TMEM260: variants seen among roughly 807,000 people sequenced by gnomAD.
The protein encoded by TMEM260 is protein O-mannosyl-transferase TMEM260.
Under a neutral mutation model 88.9 loss-of-function variants are expected in TMEM260, and 82 were observed. The observed-to-expected ratio is 0.92, with a 90% CI of 0.77 to 1.11. The LOEUF (loss-of-function observed/expected upper bound fraction) is 1.11, where lower values mean the gene tolerates loss of function less well. Ranked by LOEUF, TMEM260 falls within the 50% of genes least tolerant of loss-of-function variation. TMEM260 has a pLI of 0.00. For synonymous variants in TMEM260, 314 were observed against 309.3 expected (o/e 1.02, Z -0.16); for missense variants, 902 against 853.4 (o/e 1.06, Z -0.71).
In TMEM260 at chr14:56,591,827, T is replaced by C. The variant is rs556990802; in HGVS notation, c.344+5915T>C. On this transcript the variant is annotated intron_variant, in intron 3 of 15. Coordinates refer to ENST00000261556, the MANE Select transcript of TMEM260 (RefSeq NM_017799.4). ...CTAGTTGAATGTTTTCTTCCACATA[T>C]TCAGGAATAAGTTGATGGAGTATAA... Among the ~76,000 whole-genome samples the C allele has an allele frequency of 2.6e-5, 4 of 152,342 alleles. No individual in the cohort carries two copies. The South Asian group carries it at 8.3e-4, about 32-fold the overall frequency.
intron 3 of TMEM260, among the ~76,000 whole-genome samples, chr14:56,592,149 C>G (rs1453987517): frequency 6.6e-6 from 1 of 152,140 alleles, no homozygotes; most frequent in Non-Finnish European, 1.5e-5. Flanking sequence ...GATCAAACCT[C>G]ATGAAGTAGA....
Position 56,634,949 on chromosome 14 carries a change from C to T in TMEM260, c.1775C>T (p.Ala592Val), listed in dbSNP as rs147545158. ...GTGGCCAATGAAGAAATGTGGCAAG[C>T]GAGGTGACTATTCTACATTTTTGTG... ...ESVANEEMWQ[A>V]RMKTPFFIFN... Residue 592 changes from alanine to valine, a missense_variant, in exon 14 of 16, where the codon GCG becomes GTG. Ala to Val is a moderately conservative substitution (Grantham distance 64). Transcript: ENST00000261556. 1.7e-5 allele frequency: 28 copies of T among 1,613,542 alleles called. No homozygotes were observed. Among genetic ancestry groups the T allele is most frequent in the Admixed American group, 1.5e-4 (9 of 59,964 alleles).
intron 15 of TMEM260, among the ~76,000 whole-genome samples, chr14:56,641,271 T>G (rs1353388338): frequency 3.3e-5 from 5 of 152,132 alleles, no homozygotes. Context: ...GAGAGAAAGA[T>G]GGGGTTACCC....
intron 11 of TMEM260, among the ~76,000 whole-genome samples, chr14:56,622,709 A>G (rs1888007115): frequency 6.6e-6 from 1 of 152,228 alleles, no homozygotes; most frequent in African/African-American, 2.4e-5. Flanking sequence ...GTCATTAGGA[A>G]AAGAGAAATT....
At chr14:56,580,571 G>A (rs926448850) in intron 1 of TMEM260, among the ~76,000 whole-genome samples, 6 of 152,194 alleles carry the variant, frequency 3.9e-5, no homozygotes, top group African/African-American at 7.2e-5. Context: ...GGGGTAAGTA[G>A]TGGGTCCTTC....
intron 3 of TMEM260, among the ~76,000 whole-genome samples, chr14:56,595,803 C>G (rs1003546089): frequency 6.6e-6 from 1 of 151,942 alleles, no homozygotes; most frequent in African/African-American, 2.4e-5. Context: ...TTATTATTCT[C>G]TTTGAAATAT....
At chr14:56,612,542 C>T in intron 7 of TMEM260, 1 of 482,606 alleles carries the variant, frequency 2.1e-6, no homozygotes. Context: ...TTGTATATAA[C>T]CTATTTACAT....
chr14:56,629,153 C>T (rs1162991667), intron 12 of TMEM260, among the ~76,000 whole-genome samples: 1 of 151,988 alleles, frequency 6.6e-6, no homozygotes, highest in Non-Finnish European at 1.5e-5. Context: ...GCCTTGGCCT[C>T]CCAAAGTGCT....
chr14:56,584,969 G>A (rs1400261685), intron 1 of TMEM260, 32 bp from the exon 2 acceptor site: 4 of 1,599,752 alleles, frequency 2.5e-6, no homozygotes, highest in Middle Eastern at 3.3e-4. Flanking sequence ...TTCTCTAATA[G>A]TAATTATTGG....
chr14:56,659,540 C>T, the TMEM260 span, among the ~76,000 whole-genome samples: 1 of 152,150 alleles, frequency 6.6e-6, no homozygotes, highest in Non-Finnish European at 1.5e-5. Context: ...CTGGGCAGCC[C>T]CAGGGAGCCT....
At position 56,618,613 on chromosome 14, in the gene TMEM260, A is replaced by G; in HGVS notation, c.1076A>G (p.Gln359Arg). 6.2e-7 allele frequency: 1 copy of G among 1,614,096 alleles called. No individual in the cohort carries two copies. Among genetic ancestry groups the G allele is most frequent in the Non-Finnish European group, 8.5e-7 (1 of 1,180,012 alleles). Residue 359 changes from glutamine to arginine, a missense_variant, in exon 10 of 16, where the codon CAG becomes CGG. Transcript: ENST00000261556. The part of the protein sequence containing the change: ...FMGVVERFWM[Q>R]SNAVVAVLAG... ...TCACAGGTGGAACGATTCTGGATGC[A>G]GAGCAATGCAGTAGTGGCCGTCCTC...
intron 12 of TMEM260, among the ~76,000 whole-genome samples, chr14:56,631,424 A>T (rs1164636347): frequency 6.6e-6 from 1 of 152,092 alleles, no homozygotes; most frequent in Non-Finnish European, 1.5e-5. Context: ...GAAGTTCAAG[A>T]CCAGCCTGGC....
intron 5 of TMEM260, among the ~76,000 whole-genome samples, chr14:56,606,948 A>G (rs1393495725): frequency 2.6e-5 from 4 of 152,346 alleles, no homozygotes; most frequent in Middle Eastern, 3.4e-3. Context: ...ATAGCAGTTG[A>G]CAGGAAAGAA....
downstream of TMEM260, among the ~76,000 whole-genome samples, chr14:56,653,115 G>A (rs781126172): frequency 1.3e-5 from 2 of 151,640 alleles, no homozygotes; most frequent in East Asian, 3.9e-4. Flanking sequence ...CCAACGTGGC[G>A]AAACCCCGTC....
chr14:56,596,794 A>AAAAT (rs59623466), intron 3 of TMEM260, among the ~76,000 whole-genome samples: 90 of 136,296 alleles, frequency 6.6e-4, no homozygotes, highest in East Asian at 3.7e-3. Context: ...TAAAAAAAAA[A>AAAAT]ATATATATAT....
rs553621818 is a variant in TMEM260, at chr14:56,608,996, G to C, written c.637-110G>C. On this transcript the variant is annotated intron_variant, in intron 5 of 15. Coordinates refer to ENST00000261556, the MANE Select transcript of TMEM260 (RefSeq NM_017799.4). ...TGTGGTGACTTAATATAAATTGGGA[G>C]ATCAGCTCTGAGTAAACATATTTGA... The C allele has an allele frequency of 4.8e-5, 53 of 1,115,262 alleles. No individual in the cohort carries two copies. The African/African-American group carries it at 7.8e-4, about 16-fold the overall frequency. The allele number at this position is 1,115,262 out of a possible 1,614,324, so 69.1% of individuals were successfully genotyped here.
At chr14:56,583,794 C>T (rs1279302907) in intron 1 of TMEM260, among the ~76,000 whole-genome samples, 1 of 151,888 alleles carries the variant, frequency 6.6e-6, no homozygotes, top group African/African-American at 2.4e-5. Context: ...AGAAGAGGTG[C>T]AAAAGAGGAC....
At chr14:56,602,013 A>T (rs986178143) in intron 3 of TMEM260, among the ~76,000 whole-genome samples, 4 of 152,306 alleles carry the variant, frequency 2.6e-5, no homozygotes, top group East Asian at 1.9e-4. Context: ...TTCCTGAATA[A>T]TATTGATATA....
At position 56,609,259 on chromosome 14, in the gene TMEM260, A is replaced by C. The variant is rs1887103261; in HGVS notation, c.790A>C (p.Arg264=). The part of the protein sequence containing the change: ...TLQGFLTHFL[R]EEYGTFSLAK... ...GCAAGGATTTTTGACACATTTTCTCAGGGAAGAATATGGAACCTTCAGCCT... is the reference window on the plus strand; with the variant it reads ...GCAAGGATTTTTGACACATTTTCTCCGGGAAGAATATGGAACCTTCAGCCT... Residue 264 remains arginine, a synonymous_variant, in exon 6 of 16, where the codon AGG becomes CGG. Transcript: ENST00000261556. 2 of 1,614,078 alleles carry C rather than the reference A, an allele frequency of 1.2e-6. No homozygotes were observed. Among genetic ancestry groups the C allele is most frequent in the Non-Finnish European group, 1.7e-6 (2 of 1,179,966 alleles).
Sources: allele counts gnomAD v4.1 joint callset (sites outside exome capture counted in the v4.1 genomes callset), GRCh38; gene constraint gnomAD v4.1.1; transcripts MANE v1.5; gene names NCBI Gene and HGNC (gene_info 2026-07-23, HGNC 2026-07-21).